HS6ST2: variants seen among roughly 807,000 people sequenced by gnomAD.
HS6ST2 encodes the protein heparan sulfate 6-O-sulfotransferase 2.
Under a neutral mutation model 33.0 loss-of-function variants are expected in HS6ST2, and 17 were observed. The observed-to-expected ratio is 0.52, with a 90% CI of 0.35 to 0.77. HS6ST2 has a LOEUF of 0.77. HS6ST2 is among the 30% of genes least tolerant of loss of function. HS6ST2 has a pLI of 0.01. For missense variants in HS6ST2, 519 were observed against 551.7 expected (o/e 0.94, Z 0.59); for synonymous variants, 248 against 237.1 (o/e 1.05, Z -0.42).
At chrX:132,678,483 A>G (rs1426428390) in intron 3 of HS6ST2, among the ~76,000 whole-genome samples, 2 of 112,670 alleles carry the variant, frequency 1.8e-5, no homozygotes, top group African/African-American at 3.2e-5. Flanking sequence ...TCTGTTAAAA[A>G]CACTGACCCT....
At chrX:132,958,073 A>G (rs1220282559) in intron 1 of HS6ST2, 102 bp downstream of exon 1, 1 of 842,259 alleles carries the variant, frequency 1.2e-6, no homozygotes, top group African/African-American at 2.1e-5. Flanking sequence ...GCCAGCTGGA[A>G]CTTTACGCCC....
chrX:132,858,276 T>C (rs927493967), intron 2 of HS6ST2, among the ~76,000 whole-genome samples: 10 of 111,818 alleles, frequency 8.9e-5, no homozygotes, highest in East Asian at 2.8e-4. Context: ...TGCAGAAAGT[T>C]TGATGAATAG....
chrX:132,953,331 A>G (rs189839767), intron 2 of HS6ST2, among the ~76,000 whole-genome samples: 2 of 110,611 alleles, frequency 1.8e-5, no homozygotes, highest in African/African-American at 3.4e-5. Context: ...TATTATTCTT[A>G]ATAAACAACT....
chrX:132,829,766 A>C (rs2065570103), intron 2 of HS6ST2, among the ~76,000 whole-genome samples: 1 of 111,837 alleles, frequency 8.9e-6, no homozygotes, highest in Admixed American at 9.6e-5. Flanking sequence ...ATGGTGAAAC[A>C]AATCACTGGA....
At chrX:132,775,320 T>C (rs764270744) in intron 2 of HS6ST2, among the ~76,000 whole-genome samples, 6 of 111,319 alleles carry the variant, frequency 5.4e-5, no homozygotes, top group Non-Finnish European at 1.1e-4. Flanking sequence ...CATAGTGACC[T>C]TAGGTGTGCC....
chrX:132,725,783 T>A (rs2064386523), intron 2 of HS6ST2, among the ~76,000 whole-genome samples: 1 of 111,629 alleles, frequency 9.0e-6, no homozygotes, highest in Non-Finnish European at 1.9e-5. Flanking sequence ...AACAGATGGA[T>A]GGATAAAGAA....
chrX:132,861,091 C>T (rs888744168), intron 2 of HS6ST2, among the ~76,000 whole-genome samples: 2 of 111,181 alleles, frequency 1.8e-5, no homozygotes, highest in Admixed American at 9.6e-5. Flanking sequence ...CCACCTGGCC[C>T]TCATGTGTAT....
intron 2 of HS6ST2, among the ~76,000 whole-genome samples, chrX:132,717,411 T>G (rs1296827963): frequency 8.9e-6 from 1 of 112,749 alleles, no homozygotes; most frequent in Non-Finnish European, 1.9e-5. Context: ...GACTTCCTTG[T>G]GATCAATAAT....
chrX:132,926,909 G>A (rs1235876135), intron 2 of HS6ST2, among the ~76,000 whole-genome samples: 1 of 110,808 alleles, frequency 9.0e-6, no homozygotes, highest in Non-Finnish European at 1.9e-5. Flanking sequence ...GGTGACGGAG[G>A]GGGACTCCGT....
intron 2 of HS6ST2, among the ~76,000 whole-genome samples, chrX:132,776,504 A>C (rs754650390): frequency 7.2e-4 from 80 of 111,733 alleles, no homozygotes; most frequent in African/African-American, 2.6e-3. Flanking sequence ...TGCATTAGGA[A>C]TCTGTGTTCA....
chrX:132,918,465 A>G (rs1350749610), intron 2 of HS6ST2, among the ~76,000 whole-genome samples: 2 of 112,375 alleles, frequency 1.8e-5, no homozygotes, highest in Non-Finnish European at 3.8e-5. Flanking sequence ...TCTGACAGCT[A>G]TAGATGGACA....
intron 2 of HS6ST2, among the ~76,000 whole-genome samples, chrX:132,842,691 C>T (rs889340154): frequency 3.6e-5 from 4 of 111,554 alleles, no homozygotes; most frequent in African/African-American, 1.3e-4. Context: ...GTCATCAGTG[C>T]ATCCGACAGA....
At chrX:132,882,716 G>C (rs1014530007) in intron 2 of HS6ST2, among the ~76,000 whole-genome samples, 7 of 110,437 alleles carry the variant, frequency 6.3e-5, no homozygotes, top group Non-Finnish European at 1.1e-4. Context: ...TTTTCAAAGG[G>C]AATGCTTCCA....
chrX:132,883,132 G>A (rs1479933168), intron 2 of HS6ST2, among the ~76,000 whole-genome samples: 1 of 111,256 alleles, frequency 9.0e-6, no homozygotes, highest in Non-Finnish European at 1.9e-5. Flanking sequence ...TCAGGATGAT[G>A]TTGGCCTCAT....
At chrX:132,755,255 C>T (rs2064747929) in intron 2 of HS6ST2, among the ~76,000 whole-genome samples, 1 of 111,774 alleles carries the variant, frequency 8.9e-6, no homozygotes, top group Admixed American at 9.5e-5. Flanking sequence ...AGTTTTTATA[C>T]CTTTGGCTGT....
Position 132,688,534 on chromosome X carries a change from AT to A in HS6ST2, c.981-19336del, listed in dbSNP as rs759610804. On this transcript the variant is annotated intron_variant, in intron 3 of 4. Transcript: ENST00000370833. ...GGGAAGCAAACACATCCTTCTTTGC[AT>A]GGTGGCAGCAAGGAGAAGTGCTGAG... Among the ~76,000 whole-genome samples the A allele has an allele frequency of 3.6e-5, 4 of 111,263 alleles. No individual in the cohort carries two copies. The East Asian group carries it at 1.1e-3, about 32-fold the overall frequency.
At chrX:132,879,124 G>A (rs1569500121) in intron 2 of HS6ST2, among the ~76,000 whole-genome samples, 1 of 111,804 alleles carries the variant, frequency 8.9e-6, no homozygotes, top group Non-Finnish European at 1.9e-5. Context: ...AAGTTGGAAT[G>A]CAAAACTCAC....
At chrX:132,656,057 C>T (rs2148187600) in intron 4 of HS6ST2, among the ~76,000 whole-genome samples, 1 of 111,105 alleles carries the variant, frequency 9.0e-6, no homozygotes, top group Non-Finnish European at 1.9e-5. Context: ...TTCATTTAGT[C>T]TTGAGAGCAG....
At chrX:132,860,700 G>C (rs1417263092) in intron 2 of HS6ST2, among the ~76,000 whole-genome samples, 1 of 108,089 alleles carries the variant, frequency 9.3e-6, no homozygotes, top group Non-Finnish European at 1.9e-5. Context: ...ATAAAAACAA[G>C]TCCCATGACC....
Sources: gnomAD v4.1 joint callset for allele counts (sites outside exome capture counted in the v4.1 genomes callset) on GRCh38, gnomAD v4.1.1 for gene constraint, MANE v1.5 for transcripts, NCBI Gene and HGNC (gene_info 2026-07-23, HGNC 2026-07-21) for gene names.